The following NKAIN3 variants were observed in gnomAD, a reference collection of about 807,000 sequenced individuals.
NKAIN3 encodes the protein sodium/potassium transporting ATPase interacting 3.
Under a neutral mutation model 30.2 loss-of-function variants are expected in NKAIN3, and 25 were observed. The ratio of observed to expected loss-of-function variants is 0.83; its 90% CI spans 0.60 to 1.16. NKAIN3 has a LOEUF of 1.16. Ranked by LOEUF, NKAIN3 falls within the 50% of genes most tolerant of loss-of-function variation. The probability of loss-of-function intolerance (pLI) is 0.00; values close to 1 mark genes in which losing one functional copy is unlikely to be tolerated. For missense variants in NKAIN3, 225 were observed against 254.1 expected, an observed-to-expected ratio of 0.89 and a Z score of 0.78; for synonymous variants, 91 against 89.6, an observed-to-expected ratio of 1.02 and a Z score of -0.09.
chr8:62,925,249 T>C (rs1822402237), intron 5 of NKAIN3, among the ~76,000 whole-genome samples: 1 of 152,184 alleles, frequency 6.6e-6, no homozygotes, highest in South Asian at 2.1e-4. Context: ...GTATGGAACA[T>C]CATAGGAAAT....
intron 3 of NKAIN3, among the ~76,000 whole-genome samples, chr8:62,606,506 G>A (rs1444603193): frequency 6.6e-6 from 1 of 152,024 alleles, no homozygotes; most frequent in East Asian, 1.9e-4. Flanking sequence ...CCTTAAGAAA[G>A]TATGCTGCTG....
intron 4 of NKAIN3, among the ~76,000 whole-genome samples, chr8:62,893,264 G>A (rs1289953441): frequency 6.6e-6 from 1 of 152,146 alleles, no homozygotes; most frequent in Non-Finnish European, 1.5e-5. Context: ...TCAGTGGCCT[G>A]CAAATAGGGT....
At chr8:62,803,003 A>C (rs1586212916) in intron 4 of NKAIN3, among the ~76,000 whole-genome samples, 1 of 152,324 alleles carries the variant, frequency 6.6e-6, no homozygotes, top group Non-Finnish European at 1.5e-5. Flanking sequence ...CAACAAGATC[A>C]AAAGAGACAA....
chr8:62,909,460 A>T (rs1288999963), intron 4 of NKAIN3, among the ~76,000 whole-genome samples: 1 of 152,192 alleles, frequency 6.6e-6, no homozygotes, highest in Non-Finnish European at 1.5e-5. Context: ...AAAAGCAGAG[A>T]TAATCAAGAC....
intron 3 of NKAIN3, among the ~76,000 whole-genome samples, chr8:62,625,292 C>G (rs1811757315): frequency 6.6e-6 from 1 of 152,072 alleles, no homozygotes. Flanking sequence ...ATCATAAGTG[C>G]TGTCTCATTT....
At chr8:62,471,234 A>G (rs1312108277) in intron 1 of NKAIN3, among the ~76,000 whole-genome samples, 2 of 152,114 alleles carry the variant, frequency 1.3e-5, no homozygotes, top group African/African-American at 4.8e-5. Flanking sequence ...AAGAGAGTGG[A>G]TAGTCCTGGG....
chr8:62,665,467 T>G (rs1379861356), intron 3 of NKAIN3, among the ~76,000 whole-genome samples: 2 of 152,174 alleles, frequency 1.3e-5, no homozygotes, highest in Non-Finnish European at 2.9e-5. Flanking sequence ...ATCACCTGCT[T>G]TGCATAATTT....
chr8:62,328,305 T>C (rs1225140031), intron 1 of NKAIN3, among the ~76,000 whole-genome samples: 3 of 152,166 alleles, frequency 2.0e-5, no homozygotes, highest in Non-Finnish European at 4.4e-5. Flanking sequence ...TAGTTCAATA[T>C]ACATTAACAA....
intron 1 of NKAIN3, among the ~76,000 whole-genome samples, chr8:62,533,894 A>C (rs1415129485): frequency 6.6e-6 from 1 of 152,202 alleles, no homozygotes; most frequent in East Asian, 1.9e-4. Context: ...CAGACTTGCA[A>C]GTTGCTAGAC....
chr8:62,581,587 C>T (rs1810293618), intron 2 of NKAIN3, among the ~76,000 whole-genome samples: 1 of 152,168 alleles, frequency 6.6e-6, no homozygotes, highest in East Asian at 1.9e-4. Flanking sequence ...TTCCAATTTG[C>T]TCTTTGTACT....
Position 62,981,238 on chromosome 8 carries a change from C to G in NKAIN3, c.*15831C>G, listed in dbSNP as rs1358823783. 6.6e-6 allele frequency: 1 copy of G among 152,096 alleles called. No homozygotes were observed. The highest frequency in any genetic ancestry group is 1.5e-5 in the Non-Finnish European group (1 of 68,022). The allele number at this position is 152,096 out of a possible 1,614,324, so 9.4% of individuals were successfully genotyped here. A position where few individuals can be genotyped will look rare whatever the true frequency, so the allele number is the denominator to read the frequency against. On this transcript the variant is annotated 3_prime_UTR_variant, in exon 7 of 7. Transcript: ENST00000623646. ...TATAGTGCTACATAATAATTACAAC[C>G]TTTAAGAAAATGGAGAGTTTTCATT... is the stretch of plus-strand genomic sequence containing the variant.
At chr8:62,541,077 A>T (rs1808823625) in intron 1 of NKAIN3, among the ~76,000 whole-genome samples, 1 of 152,094 alleles carries the variant, frequency 6.6e-6, no homozygotes, top group Admixed American at 6.6e-5. Context: ...TGGGAGGCTG[A>T]GGTGGGGGGA....
At chr8:62,528,740 C>A (rs981680164) in intron 1 of NKAIN3, among the ~76,000 whole-genome samples, 1 of 151,942 alleles carries the variant, frequency 6.6e-6, no homozygotes, top group Non-Finnish European at 1.5e-5. Context: ...CTTATTGGGC[C>A]AATATATTCC....
chr8:62,497,340 A>C (rs957819841), intron 1 of NKAIN3, among the ~76,000 whole-genome samples: 1 of 152,038 alleles, frequency 6.6e-6, no homozygotes, highest in East Asian at 1.9e-4. Flanking sequence ...AGAAGATAGG[A>C]TATATACTGT....
At chr8:62,844,707 G>T (rs1819624389) in intron 4 of NKAIN3, among the ~76,000 whole-genome samples, 1 of 152,106 alleles carries the variant, frequency 6.6e-6, no homozygotes, top group Admixed American at 6.6e-5. Context: ...AATGTGATCT[G>T]CCTGAAGTCC....
At chr8:62,368,797 A>AT (rs1267289647) in intron 1 of NKAIN3, among the ~76,000 whole-genome samples, 2 of 141,318 alleles carry the variant, frequency 1.4e-5, no homozygotes, top group Non-Finnish European at 3.1e-5. Flanking sequence ...AATTATTCTC[A>AT]TTTTTTCTTT....
intron 4 of NKAIN3, among the ~76,000 whole-genome samples, chr8:62,905,346 A>C (rs920085605): frequency 3.3e-5 from 5 of 152,194 alleles, no homozygotes; most frequent in Non-Finnish European, 7.3e-5. Context: ...TAGCAAGTGC[A>C]TATGCATTTG....
chr8:62,370,124 G>A (rs1464980498), intron 1 of NKAIN3, among the ~76,000 whole-genome samples: 2 of 151,988 alleles, frequency 1.3e-5, no homozygotes, highest in Admixed American at 6.6e-5. Context: ...AATCAACAGT[G>A]TCAAATTATT....
chr8:62,797,554 C>T (rs1459720028), intron 4 of NKAIN3, among the ~76,000 whole-genome samples: 1 of 152,134 alleles, frequency 6.6e-6, no homozygotes, highest in Non-Finnish European at 1.5e-5. Flanking sequence ...CAGGGCCTTA[C>T]TTATTTTTTC....
Sources: gnomAD v4.1 joint callset for allele counts (sites outside exome capture counted in the v4.1 genomes callset) on GRCh38, gnomAD v4.1.1 for gene constraint, MANE v1.5 for transcripts, NCBI Gene and HGNC (gene_info 2026-07-23, HGNC 2026-07-21) for gene names.